The following CNTLN variants were observed in gnomAD, a reference collection of about 807,000 sequenced individuals.
CNTLN encodes the protein centlein, centrosomal protein.
In CNTLN, 212 loss-of-function variants were observed where a neutral mutation model predicts 180.0. The observed-to-expected ratio is 1.18, with a 90% CI of 1.05 to 1.32. The LOEUF is 1.32. CNTLN is among the 40% of genes most tolerant of loss of function. CNTLN has a pLI of 0.00. For synonymous variants in CNTLN, 722 were observed against 563.1 expected (o/e 1.28, Z -3.99); for missense variants, 2,095 against 1,610.9 (o/e 1.30, Z -5.14).
intron 2 of CNTLN, among the ~76,000 whole-genome samples, chr9:17,151,548 T>G (rs1185291898): frequency 6.6e-6 from 1 of 152,238 alleles, no homozygotes; most frequent in Non-Finnish European, 1.5e-5. Context: ...GATGTGCTGC[T>G]GGATTTGGTT....
intron 23 of CNTLN, among the ~76,000 whole-genome samples, chr9:17,478,669 G>C (rs985905827): frequency 3.9e-5 from 6 of 152,042 alleles, no homozygotes; most frequent in Non-Finnish European, 8.8e-5. Context: ...ATTTTTGTCT[G>C]TGGTGTAAGA....
At chr9:17,351,846 C>G (rs922677767) in intron 12 of CNTLN, among the ~76,000 whole-genome samples, 1 of 152,158 alleles carries the variant, frequency 6.6e-6, no homozygotes, top group Non-Finnish European at 1.5e-5. Context: ...TTAAGCAAAT[C>G]TGAGTTCATT....
In CNTLN at chr9:17,502,716, G is replaced by T. The variant is rs1422643855; in HGVS notation, c.*64G>T. On this transcript the variant is annotated 3_prime_UTR_variant, in exon 26 of 26. Coordinates refer to ENST00000380647, the MANE Select transcript of CNTLN (RefSeq NM_017738.4). The stretch of plus-strand genomic sequence containing the variant: ...TTTATGTGGTGTGATTGGAATACAT[G>T]CATTGCAATCCTGACACGGTATCTG... 5.3e-6 allele frequency: 3 copies of T among 569,904 alleles called. No homozygotes were observed. Among genetic ancestry groups the T allele is most frequent in the Middle Eastern group, 2.7e-4 (1 of 3,682 alleles). The allele number at this position is 569,904 out of a possible 1,614,324, so 35.3% of individuals were successfully genotyped here.
At chr9:17,373,449 A>C (rs1824494611) in intron 13 of CNTLN, among the ~76,000 whole-genome samples, 1 of 152,140 alleles carries the variant, frequency 6.6e-6, no homozygotes, top group Non-Finnish European at 1.5e-5. Context: ...TAAAAACTAT[A>C]GAATATTGAT....
At position 17,210,513 on chromosome 9, in the gene CNTLN, G is replaced by A. The variant is rs1587159640; in HGVS notation, c.450-15690G>A. 4.6e-5 allele frequency among the ~76,000 whole-genome samples: 7 copies of A among 152,270 alleles called. No homozygotes were observed. The East Asian group carries it at 7.7e-4, about 17-fold the overall frequency. On this transcript the variant is annotated intron_variant, in intron 2 of 25. Coordinates refer to ENST00000380647, the MANE Select transcript of CNTLN (RefSeq NM_017738.4). ...AGTCTTTGCTATTGTGAATATTGCC[G>A]CAGTGAACATACGTGTGCATGTGTC...
intron 23 of CNTLN, among the ~76,000 whole-genome samples, chr9:17,473,603 A>AGAC (rs1564136009): frequency 6.7e-6 from 1 of 148,974 alleles, no homozygotes. Flanking sequence ...AAAAAAAAAA[A>AGAC]AAACAAAACA....
chr9:17,320,127 A>G (rs1216435427), intron 8 of CNTLN, among the ~76,000 whole-genome samples: 1 of 152,220 alleles, frequency 6.6e-6, no homozygotes, highest in Non-Finnish European at 1.5e-5. Context: ...CCATGTGGCT[A>G]ATGGCAAGAC....
chr9:17,448,732 C>T lies in CNTLN; in HGVS notation c.3115-8792C>T, dbSNP rs554781367. Among the ~76,000 whole-genome samples the T allele has an allele frequency of 1.5e-4, 23 of 152,234 alleles. No individual in the cohort carries two copies. In the South Asian group the frequency reaches 4.4e-3, roughly 29 times the overall value. On this transcript the variant is annotated intron_variant, in intron 18 of 25. Coordinates refer to ENST00000380647, the MANE Select transcript of CNTLN (RefSeq NM_017738.4). ...TCTTGGTTCTTTGAGTGGACATTCA[C>T]TTAAAACATCTTTAAATTGGGATGG...
At position 17,407,942 on chromosome 9, in the gene CNTLN, A is replaced by G. The variant is rs188692159; in HGVS notation, c.2616-1351A>G. ...GGAGTTCGAGACCAGCCTGACCAAC[A>G]TGGTGAAACCCCATCTCTCCTAAAA... On this transcript the variant is annotated intron_variant, in intron 15 of 25. Coordinates refer to ENST00000380647, the MANE Select transcript of CNTLN (RefSeq NM_017738.4). Among the ~76,000 whole-genome samples the G allele has an allele frequency of 8.7e-3, 1,319 of 152,026 alleles. 13 individuals carry two copies. Among genetic ancestry groups the G allele is most frequent in the Non-Finnish European group, 0.014 (924 of 67,978 alleles).
intron 13 of CNTLN, among the ~76,000 whole-genome samples, chr9:17,379,893 C>A (rs1398696759): frequency 3.3e-5 from 5 of 152,140 alleles, no homozygotes; most frequent in African/African-American, 1.2e-4. Context: ...CCTTAAGCCC[C>A]TACCATGCTA....
At chr9:17,149,972 A>G (rs1236839500) in intron 2 of CNTLN, among the ~76,000 whole-genome samples, 1 of 152,090 alleles carries the variant, frequency 6.6e-6, no homozygotes, top group Admixed American at 6.5e-5. Flanking sequence ...GTGTCTGTTC[A>G]TATCCTTTGC....
intron 13 of CNTLN, among the ~76,000 whole-genome samples, chr9:17,372,883 A>T (rs1026586760): frequency 5.3e-5 from 8 of 152,184 alleles, no homozygotes; most frequent in Non-Finnish European, 1.2e-4. Context: ...AAACCATAGG[A>T]TCATTTTACT....
intron 2 of CNTLN, among the ~76,000 whole-genome samples, chr9:17,154,030 T>C (rs577320536): frequency 7.9e-4 from 121 of 152,294 alleles, no homozygotes; most frequent in Non-Finnish European, 1.3e-3. Context: ...TTCTCTACAT[T>C]GGTTATTCTA....
intron 5 of CNTLN, among the ~76,000 whole-genome samples, chr9:17,267,640 A>C (rs1004878726): frequency 6.6e-6 from 1 of 152,236 alleles, no homozygotes; most frequent in Non-Finnish European, 1.5e-5. Flanking sequence ...GTGTTTTCCA[A>C]CTTGGTTCCA....
At chr9:17,294,915 G>C (rs1209519585) in intron 6 of CNTLN, among the ~76,000 whole-genome samples, 1 of 115,968 alleles carries the variant, frequency 8.6e-6, no homozygotes, top group Non-Finnish European at 1.9e-5. Context: ...GAGGGCGGGG[G>C]GGAGTGGGGG....
At position 17,416,026 on chromosome 9, in the gene CNTLN, T is replaced by C. The variant is rs1828210638; in HGVS notation, c.2951T>C (p.Leu984Ser). The C allele has an allele frequency of 8.1e-6, 13 of 1,613,408 alleles. No homozygotes were observed. The highest frequency in any genetic ancestry group is 1.1e-5 in the Non-Finnish European group (13 of 1,179,708). Reference protein sequence around the residue: ...AQKSSSNIILLRERIISLQQQ... With the variant: ...AQKSSSNIILSRERIISLQQQ... ...AAATCAAGTAGCAATATTATTTTAT[T>C]ACGAGAACGGATTATATCCTTGCAA... Residue 984 changes from leucine (L) to serine (S), a missense_variant, in exon 18 of 26, where the codon TTA becomes TCA. Coordinates refer to ENST00000380647, the MANE Select transcript of CNTLN (RefSeq NM_017738.4).
At chr9:17,527,175 G>T in the CNTLN span, among the ~76,000 whole-genome samples, 1 of 152,062 alleles carries the variant, frequency 6.6e-6, no homozygotes, top group Non-Finnish European at 1.5e-5. Flanking sequence ...GAGCCACCGT[G>T]CCCGGCCACC....
chr9:17,178,448 G>A (rs1202414427), intron 2 of CNTLN, among the ~76,000 whole-genome samples: 1 of 152,176 alleles, frequency 6.6e-6, no homozygotes, highest in Non-Finnish European at 1.5e-5. Flanking sequence ...GGGACTGGGC[G>A]CCCTGGAATA....
chr9:17,271,053 C>G (rs978459152), intron 5 of CNTLN, among the ~76,000 whole-genome samples: 5 of 149,834 alleles, frequency 3.3e-5, no homozygotes, highest in Non-Finnish European at 5.9e-5. Flanking sequence ...CGGGTTCACA[C>G]CATTCTCCTG....
Sources: gnomAD v4.1 joint callset for allele counts (sites outside exome capture counted in the v4.1 genomes callset) on GRCh38, gnomAD v4.1.1 for gene constraint, MANE v1.5 for transcripts, NCBI Gene and HGNC (gene_info 2026-07-23, HGNC 2026-07-21) for gene names.